Variants in C2orf80 observed in about 807,000 individuals in gnomAD.
C2orf80 encodes the protein chromosome 2 open reading frame 80.
In C2orf80, 28 loss-of-function variants were observed where a neutral mutation model predicts 30.2. The observed-to-expected ratio is 0.93, with a 90% CI of 0.69 to 1.27. The LOEUF is 1.27. C2orf80 is among the 50% of genes most tolerant of loss of function. The probability of loss-of-function intolerance (pLI) is 0.00; values close to 1 mark genes in which losing one functional copy is unlikely to be tolerated. For missense variants in C2orf80, 220 were observed against 231.0 expected, an observed-to-expected ratio of 0.95 and a Z score of 0.31; for synonymous variants, 80 against 76.4, an observed-to-expected ratio of 1.05 and a Z score of -0.24.
At chr2:208,174,217 G>T (rs1696203611) in intron 6 of C2orf80, among the ~76,000 whole-genome samples, 1 of 152,116 alleles carries the variant, frequency 6.6e-6, no homozygotes, top group Non-Finnish European at 1.5e-5. Context: ...GCCTCTTAAA[G>T]GGCTGGGACT....
At chr2:208,180,647 T>C (rs889147197) in intron 6 of C2orf80, 98 bp downstream of exon 6, 1 of 947,422 alleles carries the variant, frequency 1.1e-6, no homozygotes, top group Admixed American at 2.3e-5. Context: ...AAACTGTTAT[T>C]TCATAATTGA....
chr2:208,180,821 T>C lies in C2orf80; in HGVS notation c.295-5A>G. 1.2e-6 allele frequency: 2 copies of C among 1,611,540 alleles called. No individual in the cohort carries two copies. The highest frequency in any genetic ancestry group is 1.7e-6 in the Non-Finnish European group (2 of 1,178,412). ...TTCCTCAATCGGGATACTGTTCTGTTAAACAACAACAGCAATAACAAAGTA... is the reference window on the plus strand; with the variant it reads ...TTCCTCAATCGGGATACTGTTCTGTCAAACAACAACAGCAATAACAAAGTA... On this transcript the variant is annotated splice_polypyrimidine_tract_variant and splice_region_variant and intron_variant, in intron 5 of 8. Coordinates refer to ENST00000341287, the MANE Select transcript of C2orf80 (RefSeq NM_001099334.3).
chr2:208,169,269 T>TTGTGTGTGTGTGTGTGTG (rs10658929), intron 8 of C2orf80, among the ~76,000 whole-genome samples: 12,092 of 137,850 alleles, frequency 0.088, 683 homozygotes, highest in Non-Finnish European at 0.11. Flanking sequence ...AAAGTCTAGA[T>TTGTGTGTGTGTGTGTGTG]TGTGTGTGTG....
chr2:208,167,103 TG>T (rs1406898026), intron 8 of C2orf80, among the ~76,000 whole-genome samples: 1 of 152,224 alleles, frequency 6.6e-6, no homozygotes, highest in Non-Finnish European at 1.5e-5. Flanking sequence ...GTGGGTAGCC[TG>T]GATTCAAGAA....
At chr2:208,178,632 G>A (rs1193901840) in intron 6 of C2orf80, among the ~76,000 whole-genome samples, 1 of 152,072 alleles carries the variant, frequency 6.6e-6, no homozygotes, top group African/African-American at 2.4e-5. Flanking sequence ...AAGTAATCTT[G>A]GCTGGGTGTG....
intron 6 of C2orf80, among the ~76,000 whole-genome samples, chr2:208,180,257 C>G (rs1300150438): frequency 2.0e-5 from 3 of 152,078 alleles, no homozygotes; most frequent in Non-Finnish European, 1.5e-5. Flanking sequence ...TGAGACCAGC[C>G]TGGTCAACAT....
chr2:208,168,280 T>C (rs1431873446), intron 8 of C2orf80: 1 of 229,840 alleles, frequency 4.4e-6, no homozygotes, highest in Non-Finnish European at 8.8e-6. Flanking sequence ...GAAGAGGGAG[T>C]TCTTTTGCTT....
chr2:208,189,852 A>T, intron 1 of C2orf80, 101 bp downstream of exon 1: 1 of 688,044 alleles, frequency 1.5e-6, no homozygotes, highest in South Asian at 1.6e-5. Flanking sequence ...TGCACATTCC[A>T]TGCAGGTTCC....
chr2:208,180,670 C>A, intron 6 of C2orf80, 75 bp downstream of exon 6: 1 of 1,141,460 alleles, frequency 8.8e-7, no homozygotes, highest in Non-Finnish European at 1.3e-6. Context: ...TCTGAAAATA[C>A]AACATTATAC....
At chr2:208,185,119 T>TCCCC (rs1377990924) in intron 2 of C2orf80, 87 bp from the exon 3 acceptor site, 6 of 791,232 alleles carry the variant, frequency 7.6e-6, no homozygotes, top group African/African-American at 7.3e-5. Flanking sequence ...CATCCCTCCC[T>TCCCC]CCCCCACCAA....
intron 6 of C2orf80, among the ~76,000 whole-genome samples, chr2:208,175,527 T>A (rs946627122): frequency 6.6e-6 from 1 of 152,080 alleles, no homozygotes; most frequent in Non-Finnish European, 1.5e-5. Flanking sequence ...CAGCACATAA[T>A]CCCGGAGAAA....
At chr2:208,186,722 C>A (rs1013839026) in intron 2 of C2orf80, among the ~76,000 whole-genome samples, 47 of 152,148 alleles carry the variant, frequency 3.1e-4, no homozygotes, top group Non-Finnish European at 4.6e-4. Flanking sequence ...GTGCAGGCTG[C>A]CAGCAGAAAC....
chr2:208,176,862 A>G (rs1001704246), intron 6 of C2orf80, among the ~76,000 whole-genome samples: 2 of 47,186 alleles, frequency 4.2e-5, no homozygotes, highest in Non-Finnish European at 8.0e-5. Flanking sequence ...CTATATATAT[A>G]CTATATATAC....
rs367613853 is a variant in C2orf80, at chr2:208,184,941, C to A, written c.123+10G>T. ...ACAAATATGACTCGCATCAGCGTGC[C>A]TTTCTTTACCATATCATCTAGAAAG... is the stretch of plus-strand genomic sequence containing the variant. On this transcript the variant is annotated intron_variant, in intron 3 of 8. Transcript: ENST00000341287. The A allele has an allele frequency of 2.5e-6, 4 of 1,610,782 alleles. No individual in the cohort carries two copies. In the East Asian group the frequency reaches 8.9e-5, roughly 36 times the overall value.
chr2:208,169,766 A>G (rs534147700), intron 8 of C2orf80, among the ~76,000 whole-genome samples: 1 of 152,230 alleles, frequency 6.6e-6, no homozygotes, highest in East Asian at 1.9e-4. Context: ...AATACCTTCA[A>G]ATCTTATTAT....
chr2:208,172,660 T>A (rs1559338092), intron 6 of C2orf80, among the ~76,000 whole-genome samples: 2 of 152,240 alleles, frequency 1.3e-5, no homozygotes, highest in East Asian at 3.8e-4. Flanking sequence ...CCAGTATAGA[T>A]AACCTGCATT....
At chr2:208,188,937 T>C (rs925083560) in intron 1 of C2orf80, among the ~76,000 whole-genome samples, 16 of 152,150 alleles carry the variant, frequency 1.1e-4, no homozygotes, top group African/African-American at 3.6e-4. Context: ...GGTGGCCCTA[T>C]TGCCTAGAGA....
intron 6 of C2orf80, among the ~76,000 whole-genome samples, chr2:208,179,849 A>C (rs1235979974): frequency 6.6e-6 from 1 of 152,116 alleles, no homozygotes; most frequent in African/African-American, 2.4e-5. Flanking sequence ...ATTTCAAAGT[A>C]GTTTCATGGG....
chr2:208,187,612 G>A (rs1435857595), intron 1 of C2orf80, among the ~76,000 whole-genome samples: 1 of 152,094 alleles, frequency 6.6e-6, no homozygotes, highest in African/African-American at 2.4e-5. Context: ...AAAGGAGTCT[G>A]AAGTCACCAA....
Sources: allele counts gnomAD v4.1 joint callset (sites outside exome capture counted in the v4.1 genomes callset), GRCh38; gene constraint gnomAD v4.1.1; transcripts MANE v1.5; gene names NCBI Gene and HGNC (gene_info 2026-07-23, HGNC 2026-07-21).